Variants in ORAI2 observed in about 807,000 individuals in gnomAD.
The protein encoded by ORAI2 is ORAI calcium release-activated calcium modulator 2.
In ORAI2, 10 loss-of-function variants were observed where a neutral mutation model predicts 16.2. The ratio of observed to expected loss-of-function variants is 0.62; its 90% CI spans 0.38 to 1.04. The LOEUF (loss-of-function observed/expected upper bound fraction) is 1.04. Ranked by LOEUF, ORAI2 falls within the 50% of genes least tolerant of loss-of-function variation. ORAI2 has a pLI of 0.01. For missense variants in ORAI2, 238 were observed against 355.5 expected (o/e 0.67, Z 2.66); for synonymous variants, 150 against 157.5 (o/e 0.95, Z 0.35).
rs1202160387 is a variant in ORAI2, at chr7:102,455,904, G to A, written c.*8852G>A. On this transcript the variant is annotated 3_prime_UTR_variant, in exon 4 of 4. Coordinates refer to ENST00000495936, the MANE Select transcript of ORAI2 (RefSeq NM_001126340.3). The stretch of plus-strand genomic sequence containing the variant: ...GCTCTTCAGCCCTCCTGGGAGCTCA[G>A]TGGCTGGGATGCTGCTTTACAGACA... The A allele has an allele frequency of 1.3e-5, 2 of 152,292 alleles. No homozygotes were observed. The highest frequency in any genetic ancestry group is 2.9e-5 in the Non-Finnish European group (2 of 68,092). 9.4% of individuals were successfully genotyped at this position (152,292 alleles called of 1,614,324 possible). A position where few individuals can be genotyped will look rare whatever the true frequency, so the allele number is the denominator to read the frequency against.
rs930710925 is a variant in ORAI2, at chr7:102,451,518, T to C, written c.*4466T>C. On this transcript the variant is annotated 3_prime_UTR_variant, in exon 4 of 4. Coordinates refer to ENST00000495936, the MANE Select transcript of ORAI2 (RefSeq NM_001126340.3). ...TGCTGATGATCTATGCATGGCGTTA[T>C]GTAGATCACGTGCGGCAGAGACAGC... The C allele has an allele frequency of 1.3e-5, 2 of 152,292 alleles. No individual in the cohort carries two copies. Among genetic ancestry groups the C allele is most frequent in the African/African-American group, 4.8e-5 (2 of 41,474 alleles). 9.4% of individuals were successfully genotyped at this position (152,292 alleles called of 1,614,324 possible).
intron 3 of ORAI2, among the ~76,000 whole-genome samples, chr7:102,441,530 C>T (rs113898541): frequency 0.022 from 3,076 of 138,656 alleles, 142 homozygotes; most frequent in African/African-American, 0.078. Context: ...TAGAGCGAGA[C>T]TGCATCTCAA....
At chr7:102,436,438 C>T (rs563223112) in intron 2 of ORAI2, 105 bp downstream of exon 2, 14 of 710,380 alleles carry the variant, frequency 2.0e-5, no homozygotes, top group East Asian at 1.3e-4. Context: ...AAGGGAAAGG[C>T]GACACTGTTT....
chr7:102,434,147 C>G (rs1393826908), intron 1 of ORAI2, among the ~76,000 whole-genome samples: 1 of 100,634 alleles, frequency 9.9e-6, no homozygotes, highest in Non-Finnish European at 2.1e-5. Flanking sequence ...AAAAAAAAAG[C>G]AACCCCACAA....
At chr7:102,445,875 C>A (rs974256873) in intron 3 of ORAI2, among the ~76,000 whole-genome samples, 1 of 146,168 alleles carries the variant, frequency 6.8e-6, no homozygotes, top group African/African-American at 2.5e-5. Context: ...TTTTTCTTTT[C>A]TTTCTCTCTC....
At chr7:102,441,049 C>A (rs1319168494) in intron 3 of ORAI2, among the ~76,000 whole-genome samples, 1 of 151,814 alleles carries the variant, frequency 6.6e-6, no homozygotes, top group African/African-American at 2.4e-5. Context: ...CACATCACCA[C>A]GCCCAGCTAA....
intron 3 of ORAI2, among the ~76,000 whole-genome samples, chr7:102,444,825 C>T (rs2133231630): frequency 6.6e-6 from 1 of 151,974 alleles, no homozygotes; most frequent in Non-Finnish European, 1.5e-5. Flanking sequence ...ACCACCACGT[C>T]CAGCTAATTT....
intron 3 of ORAI2, among the ~76,000 whole-genome samples, chr7:102,445,963 T>C (rs1797349574): frequency 6.6e-6 from 1 of 151,856 alleles, no homozygotes; most frequent in South Asian, 2.1e-4. Flanking sequence ...GCTTGTTTTC[T>C]TTTGAGACAG....
At chr7:102,441,989 T>C (rs1162828628) in intron 3 of ORAI2, among the ~76,000 whole-genome samples, 1 of 152,092 alleles carries the variant, frequency 6.6e-6, no homozygotes. Context: ...TTATAGTGTG[T>C]CTTCCCTCAT....
At position 102,436,302 on chromosome 7, in the gene ORAI2, G is replaced by A; in HGVS notation, c.-45G>A. On this transcript the variant is annotated 5_prime_UTR_variant, in exon 2 of 4. Coordinates refer to ENST00000495936, the MANE Select transcript of ORAI2 (RefSeq NM_001126340.3). ...GATGTGCGCAAGGAGATGGGATGGAGAGCCTGAGTTGGCATTCGTATAAAT... is the reference window on the plus strand; with the variant it reads ...GATGTGCGCAAGGAGATGGGATGGAAAGCCTGAGTTGGCATTCGTATAAAT... The A allele has an allele frequency of 2.0e-6, 2 of 985,576 alleles. No individual in the cohort carries two copies. The highest frequency in any genetic ancestry group is 2.4e-6 in the Non-Finnish European group (2 of 829,976). The allele number at this position is 985,576 out of a possible 1,614,324, so 61.1% of individuals were successfully genotyped here.
rs968070469 is a variant in ORAI2, at chr7:102,445,290, G to A, written c.226-1223G>A. ...GTTCTGTTTTAAAAGGTCAGTTTCC[G>A]TTTTTTGTTTTTTTTTTTTGTCAAG... is the stretch of plus-strand genomic sequence containing the variant. On this transcript the variant is annotated intron_variant, in intron 3 of 3. Transcript: ENST00000495936. 1.3e-4 allele frequency among the ~76,000 whole-genome samples: 16 copies of A among 119,644 alleles called. 1 individual carries two copies. The highest frequency in any genetic ancestry group is 3.3e-4 in the Admixed American group (4 of 11,968). The allele number at this position is 119,644 out of a possible 152,430, so 78.5% of individuals were successfully genotyped here. A position where few individuals can be genotyped will look rare whatever the true frequency, so the allele number is the denominator to read the frequency against.
chr7:102,447,273 T>G lies in ORAI2; in HGVS notation c.*221T>G. The G allele has an allele frequency of 7.0e-6, 4 of 575,464 alleles. No individual in the cohort carries two copies. The highest frequency in any genetic ancestry group is 8.9e-6 in the Non-Finnish European group (3 of 337,376). 35.6% of individuals were successfully genotyped at this position (575,464 alleles called of 1,614,324 possible). On this transcript the variant is annotated 3_prime_UTR_variant, in exon 4 of 4. Transcript: ENST00000495936. ...AGCGTTGGGGGCAAAGCCAGGCTGG[T>G]TCCTTGGCCTCGGGGTTTCCTGGGT...
At chr7:102,443,614 C>G (rs1422162954) in intron 3 of ORAI2, among the ~76,000 whole-genome samples, 1 of 152,110 alleles carries the variant, frequency 6.6e-6, no homozygotes, top group African/African-American at 2.4e-5. Context: ...AGCCCATGTT[C>G]CGTGGCTACT....
chr7:102,442,270 G>A (rs1261559825), intron 3 of ORAI2, among the ~76,000 whole-genome samples: 1 of 151,950 alleles, frequency 6.6e-6, no homozygotes, highest in African/African-American at 2.4e-5. Flanking sequence ...ATGAAAAGGA[G>A]GGCCGGGCGC....
Position 102,448,192 on chromosome 7 carries a change from C to G in ORAI2, c.*1140C>G, listed in dbSNP as rs1041323068. On this transcript the variant is annotated 3_prime_UTR_variant, in exon 4 of 4. Transcript: ENST00000495936. ...AGGGAGGCAAGACCCCTCCAGGCCTCTCAGCCGACACTGGGTCCCACCACA... is the reference window on the plus strand; with the variant it reads ...AGGGAGGCAAGACCCCTCCAGGCCTGTCAGCCGACACTGGGTCCCACCACA... 6.6e-6 allele frequency: 1 copy of G among 152,422 alleles called. No homozygotes were observed. The highest frequency in any genetic ancestry group is 6.5e-5 in the Admixed American group (1 of 15,290). The allele number at this position is 152,422 out of a possible 1,614,324, so 9.4% of individuals were successfully genotyped here.
rs1797573834 is a variant in ORAI2, at chr7:102,453,312, C to A, written c.*6260C>A. 1 of 152,248 alleles carries A rather than the reference C, an allele frequency of 6.6e-6. No individual in the cohort carries two copies. The highest frequency in any genetic ancestry group is 6.5e-5 in the Admixed American group (1 of 15,278). 9.4% of individuals were successfully genotyped at this position (152,248 alleles called of 1,614,324 possible). On this transcript the variant is annotated 3_prime_UTR_variant, in exon 4 of 4. Coordinates refer to ENST00000495936, the MANE Select transcript of ORAI2 (RefSeq NM_001126340.3). ...TTTTAATAGAGACTGAGTTTCATCA[C>A]ACTGGCCAGGCTGGTTTCGAACTCC...
intron 2 of ORAI2, among the ~76,000 whole-genome samples, chr7:102,438,489 G>T (rs1205008769): frequency 6.6e-6 from 1 of 151,824 alleles, no homozygotes; most frequent in Non-Finnish European, 1.5e-5. Context: ...TTTAGGTCCT[G>T]GAAGGCTGGG....
intron 3 of ORAI2, among the ~76,000 whole-genome samples, chr7:102,446,184 A>G (rs1281500652): frequency 1.3e-5 from 2 of 152,228 alleles, no homozygotes; most frequent in African/African-American, 2.4e-5. Context: ...CCTGGCCTCA[A>G]GTGATCCACC....
chr7:102,447,094 G>T lies in ORAI2; in HGVS notation c.*42G>T, dbSNP rs1479873582. 6.8e-7 allele frequency: 1 copy of T among 1,472,610 alleles called. No individual in the cohort carries two copies. Among genetic ancestry groups the T allele is most frequent in the African/African-American group, 1.4e-5 (1 of 70,834 alleles). 91.2% of individuals were successfully genotyped at this position (1,472,610 alleles called of 1,614,324 possible). ...GCTGGGAGCGGCCCTGTGCCCGGGA[G>T]TCCGCAGAGGCGGGGATTTGTCAGA... On this transcript the variant is annotated 3_prime_UTR_variant, in exon 4 of 4. Transcript: ENST00000495936.
Sources: gnomAD v4.1 joint callset for allele counts (sites outside exome capture counted in the v4.1 genomes callset) on GRCh38, gnomAD v4.1.1 for gene constraint, MANE v1.5 for transcripts, NCBI Gene and HGNC (gene_info 2026-07-23, HGNC 2026-07-21) for gene names.